LDB3: variants seen among roughly 807,000 people sequenced by gnomAD.
LDB3 encodes LIM domain-binding protein 3.
In LDB3, 49 loss-of-function variants were observed where a neutral mutation model predicts 69.0. That is an observed-to-expected ratio of 0.71 (90% CI 0.56 to 0.90). The LOEUF is 0.90. Ranked by LOEUF, LDB3 falls within the 40% of genes least tolerant of loss-of-function variation. LDB3 has a pLI of 0.00. For synonymous variants in LDB3, 387 were observed against 396.2 expected (o/e 0.98, Z 0.28); for missense variants, 928 against 974.1 (o/e 0.95, Z 0.63).
rs60719524 is a variant in LDB3, at chr10:86,718,601, G to A, written c.1858-126G>A. On this transcript the variant is annotated intron_variant, in intron 11 of 13. Coordinates refer to ENST00000361373, the MANE Select transcript of LDB3 (RefSeq NM_007078.3). ...TGGGTCTTTCTTCAGAGTGACCAAGGCCTGCATCCTGAGATCTCCTGCCCT... is the reference window on the plus strand; with the variant it reads ...TGGGTCTTTCTTCAGAGTGACCAAGACCTGCATCCTGAGATCTCCTGCCCT... 5.0e-4 allele frequency: 644 copies of A among 1,300,990 alleles called. 2 individuals are homozygous for A. The African/African-American group carries it at 8.4e-3, about 17-fold the overall frequency. The allele number at this position is 1,300,990 out of a possible 1,614,324, so 80.6% of individuals were successfully genotyped here.
intron 2 of LDB3, among the ~76,000 whole-genome samples, chr10:86,670,010 C>T (rs955253316): frequency 2.8e-5 from 4 of 143,302 alleles, no homozygotes; most frequent in African/African-American, 1.1e-4. Flanking sequence ...GGAGCCAATG[C>T]CCCCAGTGGA....
chr10:86,670,496 C>T lies in LDB3; in HGVS notation c.93+1712C>T, dbSNP rs150527707. On this transcript the variant is annotated intron_variant, in intron 2 of 13. Coordinates refer to ENST00000361373, the MANE Select transcript of LDB3 (RefSeq NM_007078.3). ...TCTCGAGGCCTCCTGCTGGTGCTCC[C>T]TGCCCTATCCCTATGGGTGCAAATT... 9.1e-3 allele frequency among the ~76,000 whole-genome samples: 1,381 copies of T among 152,302 alleles called. 16 individuals are homozygous for T. The highest frequency in any genetic ancestry group is 0.031 in the African/African-American group (1,296 of 41,568).
rs574785096 is a variant in LDB3, at chr10:86,697,895, A to G, written c.896+5324A>G. Reference sequence around the variant, plus strand: ...TTTATTTTGAGATAATTGCAAATTCAGTGCAGTTATAAGAAATAATAGAGA... The same window carrying G: ...TTTATTTTGAGATAATTGCAAATTCGGTGCAGTTATAAGAAATAATAGAGA... On this transcript the variant is annotated intron_variant, in intron 7 of 13. Coordinates refer to ENST00000361373, the MANE Select transcript of LDB3 (RefSeq NM_007078.3). 1.8e-4 allele frequency among the ~76,000 whole-genome samples: 27 copies of G among 152,346 alleles called. No homozygotes were observed. In the South Asian group the frequency reaches 4.3e-3, roughly 25 times the overall value.
At chr10:86,730,119 G>A (rs955989993) in intron 13 of LDB3, among the ~76,000 whole-genome samples, 7 of 152,266 alleles carry the variant, frequency 4.6e-5, no homozygotes, top group Admixed American at 2.0e-4. Context: ...TGGAAGCCCT[G>A]TGTGATCCTA....
At chr10:86,715,575 T>C (rs1300260096) in intron 9 of LDB3, among the ~76,000 whole-genome samples, 1 of 152,104 alleles carries the variant, frequency 6.6e-6, no homozygotes, top group East Asian at 1.9e-4. Flanking sequence ...CTTTAGACAG[T>C]CACTCAGACA....
In LDB3 at chr10:86,701,259, G is replaced by A. The variant is rs111395329; in HGVS notation, c.897-5272G>A. 5.2e-3 allele frequency among the ~76,000 whole-genome samples: 786 copies of A among 152,306 alleles called. 6 individuals are homozygous for A. Among genetic ancestry groups the A allele is most frequent in the Non-Finnish European group, 8.4e-3 (568 of 68,022 alleles). On this transcript the variant is annotated intron_variant, in intron 7 of 13. Coordinates refer to ENST00000361373, the MANE Select transcript of LDB3 (RefSeq NM_007078.3). ...CTTGCAAGGCCCAAGGGTGGGTTGG[G>A]GGCAGGGGTCTGCCAGATAGAGAGA... is the stretch of plus-strand genomic sequence containing the variant.
chr10:86,690,426 C>G (rs139756534), intron 5 of LDB3, among the ~76,000 whole-genome samples: 2,626 of 152,360 alleles, frequency 0.017, 31 homozygotes, highest in Middle Eastern at 0.037. Flanking sequence ...TGGCCGGACC[C>G]TAGAAGCCTC....
At chr10:86,696,913 T>C (rs926834038) in intron 7 of LDB3, among the ~76,000 whole-genome samples, 2 of 152,244 alleles carry the variant, frequency 1.3e-5, no homozygotes, top group African/African-American at 2.4e-5. Flanking sequence ...GGGCTTCAGC[T>C]TCCTCTTAGT....
At chr10:86,708,588 T>G (rs1034558777) in intron 8 of LDB3, among the ~76,000 whole-genome samples, 1 of 152,170 alleles carries the variant, frequency 6.6e-6, no homozygotes, top group Non-Finnish European at 1.5e-5. Flanking sequence ...CACTGTCTCT[T>G]CCTCTTCCAT....
chr10:86,692,900 C>T (rs540325314), intron 7 of LDB3, among the ~76,000 whole-genome samples: 17 of 152,288 alleles, frequency 1.1e-4, no homozygotes, highest in Non-Finnish European at 2.1e-4. Context: ...TGAGGACACC[C>T]GGCTGGCCAA....
intron 5 of LDB3, 122 bp from the exon 6 acceptor site, chr10:86,691,774 T>G: frequency 8.8e-7 from 1 of 1,130,340 alleles, no homozygotes; most frequent in Non-Finnish European, 1.3e-6. Flanking sequence ...CAGACAGCAA[T>G]GGATAAAGGC....
At chr10:86,694,365 A>G (rs749639092) in intron 7 of LDB3, among the ~76,000 whole-genome samples, 13 of 152,170 alleles carry the variant, frequency 8.5e-5, no homozygotes, top group Non-Finnish European at 1.3e-4. Flanking sequence ...AGTTTGGTTC[A>G]GCCTCAGCAA....
At chr10:86,717,568 G>A (rs907674106) in intron 10 of LDB3, among the ~76,000 whole-genome samples, 8 of 152,212 alleles carry the variant, frequency 5.3e-5, no homozygotes, top group African/African-American at 1.2e-4. Flanking sequence ...TACCTAGTGC[G>A]TAGGATTGTT....
At position 86,680,099 on chromosome 10, in the gene LDB3, C is replaced by T. The variant is rs576552387; in HGVS notation, c.263C>T (p.Pro88Leu). ...TTCTACAGATCAAAGCGTCCCATTC[C>T]CATCTCCACGACAGCACCTCCAGTC... ...LTLQKSKRPI[P>L]ISTTAPPVQT... Residue 88 changes from proline to leucine, a missense_variant, in exon 4 of 14, where the codon CCC (proline) becomes CTC (leucine). Pro to Leu is a moderately conservative substitution (Grantham distance 98). Coordinates refer to ENST00000361373, the MANE Select transcript of LDB3 (RefSeq NM_007078.3). 6.2e-7 allele frequency: 1 copy of T among 1,614,208 alleles called. No homozygotes were observed. Among genetic ancestry groups the T allele is most frequent in the Admixed American group, 1.7e-5 (1 of 60,032 alleles).
At chr10:86,675,411 C>T (rs1434086602) in intron 2 of LDB3, among the ~76,000 whole-genome samples, 1 of 152,242 alleles carries the variant, frequency 6.6e-6, no homozygotes, top group African/African-American at 2.4e-5. Flanking sequence ...CTCATGCTGT[C>T]ATCATGATCT....
chr10:86,715,321 T>C (rs1283824952), intron 9 of LDB3, among the ~76,000 whole-genome samples: 1 of 151,926 alleles, frequency 6.6e-6, no homozygotes, highest in Admixed American at 6.6e-5. Flanking sequence ...TGAAATGTGG[T>C]GAGGCTTCTG....
chr10:86,734,971 A>T lies in LDB3; in HGVS notation c.*1995A>T, dbSNP rs915774955. The T allele has an allele frequency of 7.3e-6, 1 of 137,302 alleles. No homozygotes were observed. The highest frequency in any genetic ancestry group is 2.7e-5 in the African/African-American group (1 of 37,052). The allele number at this position is 137,302 out of a possible 1,614,324, so 8.5% of individuals were successfully genotyped here. ...TTCTCCAAAAACTATCTATTCAATT[A>T]TCAGGGGCTGGTCTTGAGGAAGGAA... On this transcript the variant is annotated 3_prime_UTR_variant, in exon 14 of 14. Coordinates refer to ENST00000361373, the MANE Select transcript of LDB3 (RefSeq NM_007078.3).
At chr10:86,684,968 C>T (rs747495363) in intron 5 of LDB3, among the ~76,000 whole-genome samples, 4 of 152,220 alleles carry the variant, frequency 2.6e-5, no homozygotes, top group South Asian at 2.1e-4. Context: ...TGTGCTGCCT[C>T]GGCTGTTGAG....
At chr10:86,670,483 C>T (rs1393201817) in intron 2 of LDB3, among the ~76,000 whole-genome samples, 1 of 152,178 alleles carries the variant, frequency 6.6e-6, no homozygotes, top group African/African-American at 2.4e-5. Context: ...TCGAGGCCTC[C>T]TGCTGGTGCT....
Sources: allele counts gnomAD v4.1 joint callset (sites outside exome capture counted in the v4.1 genomes callset), GRCh38; gene constraint gnomAD v4.1.1; transcripts MANE v1.5; gene names NCBI Gene and HGNC (gene_info 2026-07-23, HGNC 2026-07-21).